CCDC150: variants seen among roughly 807,000 people sequenced by gnomAD.
CCDC150 encodes coiled-coil domain-containing protein 150.
Under a neutral mutation model 156.5 loss-of-function variants are expected in CCDC150, and 151 were observed. The observed-to-expected ratio is 0.97, with a 90% CI of 0.85 to 1.10. The LOEUF (loss-of-function observed/expected upper bound fraction) is 1.10. CCDC150 is among the 50% of genes least tolerant of loss of function. The pLI is 0.00. For synonymous variants in CCDC150, 452 were observed against 429.4 expected (o/e 1.05, Z -0.65); for missense variants, 1,312 against 1,268.1 (o/e 1.03, Z -0.53).
intron 13 of CCDC150, among the ~76,000 whole-genome samples, chr2:196,679,569 G>A (rs187970939): frequency 2.6e-5 from 4 of 152,152 alleles, no homozygotes; most frequent in South Asian, 4.2e-4. Flanking sequence ...CCTGATTTTG[G>A]CAGTTAATAA....
At chr2:196,707,652 T>C (rs1435043307) in intron 15 of CCDC150, among the ~76,000 whole-genome samples, 2 of 152,240 alleles carry the variant, frequency 1.3e-5, no homozygotes, top group Non-Finnish European at 2.9e-5. Flanking sequence ...TATTTAGTGC[T>C]GTAAATTTCC....
chr2:196,719,109 A>G, intron 18 of CCDC150, among the ~76,000 whole-genome samples: 1 of 152,122 alleles, frequency 6.6e-6, no homozygotes, highest in Non-Finnish European at 1.5e-5. Context: ...TTTCTCTTAC[A>G]GTCTTTTTTT....
At chr2:196,690,690 CTTTA>C (rs1447299551) in intron 13 of CCDC150, among the ~76,000 whole-genome samples, 2 of 151,940 alleles carry the variant, frequency 1.3e-5, no homozygotes, top group East Asian at 3.9e-4. Flanking sequence ...TTTGAATGCC[CTTTA>C]TTTCTTTCTC....
At chr2:196,709,032 G>T (rs1696887867) in intron 15 of CCDC150, among the ~76,000 whole-genome samples, 1 of 152,146 alleles carries the variant, frequency 6.6e-6, no homozygotes, top group African/African-American at 2.4e-5. Flanking sequence ...TGTATATCCT[G>T]AATTTGAATG....
chr2:196,682,146 A>G (rs1694870988), intron 13 of CCDC150, among the ~76,000 whole-genome samples: 1 of 151,972 alleles, frequency 6.6e-6, no homozygotes. Context: ...GCTATGAGGT[A>G]AGGGTTTGAC....
chr2:196,725,902 C>A, intron 21 of CCDC150, 71 bp from the exon 22 acceptor site: 8 of 1,422,830 alleles, frequency 5.6e-6, no homozygotes, highest in South Asian at 1.3e-5. Flanking sequence ...GTTGCACACT[C>A]CCCTCCAAAA....
intron 13 of CCDC150, among the ~76,000 whole-genome samples, chr2:196,681,538 C>G (rs1467021938): frequency 6.6e-6 from 1 of 152,140 alleles, no homozygotes; most frequent in African/African-American, 2.4e-5. Context: ...ATGCTTAACT[C>G]TGAGGAATCA....
Position 196,684,750 on chromosome 2 carries a change from T to C in CCDC150, c.1509+7389T>C, listed in dbSNP as rs1337019022. Among the ~76,000 whole-genome samples the C allele has an allele frequency of 2.0e-5, 3 of 152,186 alleles. No individual in the cohort carries two copies. In the East Asian group the frequency reaches 5.8e-4, roughly 29 times the overall value. On this transcript the variant is annotated intron_variant, in intron 13 of 27. Transcript: ENST00000389175. ...CCTCTGTTAGGTGCATATATATTTA[T>C]AAATGATACATCTTCTTGATGAGTA...
chr2:196,678,059 G>A (rs1472280249), intron 13 of CCDC150, among the ~76,000 whole-genome samples: 2 of 152,148 alleles, frequency 1.3e-5, no homozygotes, highest in African/African-American at 2.4e-5. Flanking sequence ...CTGTATCTTC[G>A]AGGTACCATT....
At chr2:196,708,647 G>C (rs912311035) in intron 15 of CCDC150, among the ~76,000 whole-genome samples, 1 of 152,160 alleles carries the variant, frequency 6.6e-6, no homozygotes. Context: ...GCTGGTACCG[G>C]TTGTTCCTTT....
At chr2:196,697,691 A>C (rs1395857186) in intron 14 of CCDC150, among the ~76,000 whole-genome samples, 5 of 152,232 alleles carry the variant, frequency 3.3e-5, no homozygotes, top group Non-Finnish European at 7.3e-5. Context: ...AAAATTCAAA[A>C]TAATAAAAAA....
chr2:196,722,147 T>C (rs189733737), intron 21 of CCDC150, among the ~76,000 whole-genome samples: 10 of 152,352 alleles, frequency 6.6e-5, no homozygotes, highest in Admixed American at 2.6e-4. Flanking sequence ...ATCAGACTTA[T>C]CCAGTTCAGG....
chr2:196,723,906 A>ATG (rs1217569059), intron 21 of CCDC150, among the ~76,000 whole-genome samples: 1 of 152,256 alleles, frequency 6.6e-6, no homozygotes, highest in Non-Finnish European at 1.5e-5. Context: ...TCAAGAGCAT[A>ATG]ACATGAAGAA....
At chr2:196,716,436 T>C (rs1039427493) in intron 17 of CCDC150, among the ~76,000 whole-genome samples, 1 of 152,228 alleles carries the variant, frequency 6.6e-6, no homozygotes, top group African/African-American at 2.4e-5. Flanking sequence ...GAACTATTGA[T>C]ACATGCAGCA....
rs879650586 is a variant in CCDC150, at chr2:196,732,527, C to A, written c.3271C>A (p.Pro1091Thr). 2.5e-6 allele frequency: 4 copies of A among 1,613,254 alleles called. No individual in the cohort carries two copies. The African/African-American group carries it at 4.0e-5, about 16-fold the overall frequency. The change falls in exon 28 of 28, where the codon CCC (proline) becomes ACC (threonine). Residue 1091 changes from proline (P) to threonine (T), a missense_variant. Pro to Thr is a conservative substitution (Grantham distance 38). Coordinates refer to ENST00000389175, the MANE Select transcript of CCDC150 (RefSeq NM_001080539.2). ...WERKQNLRPM[P>T]KKYHSEVQRK ...GAGAAAACAGAATCTTAGGCCCATGCCCAAGAAGTATCATTCTGAGGTACA... is the reference window on the plus strand; with the variant it reads ...GAGAAAACAGAATCTTAGGCCCATGACCAAGAAGTATCATTCTGAGGTACA...
intron 15 of CCDC150, among the ~76,000 whole-genome samples, 171 bp from the exon 16 acceptor site, chr2:196,711,974 A>G (rs1697148657): frequency 6.6e-6 from 1 of 151,884 alleles, no homozygotes; most frequent in Admixed American, 6.6e-5. Context: ...TGCATGATTA[A>G]ACTTAGGATT....
At chr2:196,642,979 G>A (rs1692326119) in intron 1 of CCDC150, among the ~76,000 whole-genome samples, 1 of 152,192 alleles carries the variant, frequency 6.6e-6, no homozygotes, top group Non-Finnish European at 1.5e-5. Flanking sequence ...CTGGCCTCAA[G>A]TGATCCTCCC....
rs1055259959 is a variant in CCDC150 at position 196,685,860 on chromosome 2, C to T, written c.1509+8499C>T. Among the ~76,000 whole-genome samples the T allele has an allele frequency of 1.2e-4, 18 of 152,042 alleles. No individual in the cohort carries two copies. In the East Asian group the frequency reaches 1.5e-3, roughly 13 times the overall value. ...TGATCTCCTGACCTCGTGATCCGCCCGCCTCAGCCACCCAAAGTGCTGGGA... is the reference window on the plus strand; with the variant it reads ...TGATCTCCTGACCTCGTGATCCGCCTGCCTCAGCCACCCAAAGTGCTGGGA... On this transcript the variant is annotated intron_variant, in intron 13 of 27. Transcript: ENST00000389175.
intron 2 of CCDC150, among the ~76,000 whole-genome samples, chr2:196,653,689 G>A (rs1693012317): frequency 6.6e-6 from 1 of 152,126 alleles, no homozygotes; most frequent in South Asian, 2.1e-4. Flanking sequence ...TTTCTTCTGA[G>A]CCCTCCAAAC....
Sources: gnomAD v4.1 joint callset for allele counts (sites outside exome capture counted in the v4.1 genomes callset) on GRCh38, gnomAD v4.1.1 for gene constraint, MANE v1.5 for transcripts, NCBI Gene and HGNC (gene_info 2026-07-23, HGNC 2026-07-21) for gene names.